The following KLF12 variants were observed in gnomAD, a reference collection of about 807,000 sequenced individuals.
KLF12 encodes KLF transcription factor 12.
Under a neutral mutation model 37.8 loss-of-function variants are expected in KLF12, and 9 were observed. The observed-to-expected ratio is 0.24, with a 90% confidence interval of 0.14 to 0.42. The LOEUF is 0.42. Among genes scored for constraint, KLF12 ranks in the 10% least tolerant of loss-of-function variants. The pLI is 1.00. For synonymous variants in KLF12, 208 were observed against 202.1 expected (o/e 1.03, Z -0.25); for missense variants, 411 against 516.0 (o/e 0.80, Z 1.97).
intron 1 of KLF12, among the ~76,000 whole-genome samples, chr13:74,005,274 A>C (rs868862506): frequency 6.6e-6 from 1 of 152,180 alleles, no homozygotes; most frequent in East Asian, 1.9e-4. Context: ...GCTGTCAAAT[A>C]GTTAACTTCC....
intron 1 of KLF12, among the ~76,000 whole-genome samples, chr13:74,003,185 G>A (rs1892324691): frequency 6.6e-6 from 1 of 152,212 alleles, no homozygotes; most frequent in African/African-American, 2.4e-5. Flanking sequence ...AAAGAACGGA[G>A]TATAGTGGGA....
At chr13:74,188,084 A>T in the KLF12 span, among the ~76,000 whole-genome samples, 1 of 152,194 alleles carries the variant, frequency 6.6e-6, no homozygotes, top group Non-Finnish European at 1.5e-5. Flanking sequence ...CCTTTGAGGT[A>T]TTATAAGGCC....
intron 2 of KLF12, among the ~76,000 whole-genome samples, chr13:73,991,822 T>C (rs1008435818): frequency 9.9e-5 from 15 of 152,220 alleles, no homozygotes; most frequent in Non-Finnish European, 1.5e-5. Flanking sequence ...AAAAGCTGGA[T>C]TGCTGCTATT....
At chr13:74,291,529 G>C in the KLF12 span, among the ~76,000 whole-genome samples, 37 of 152,172 alleles carry the variant, frequency 2.4e-4, no homozygotes, top group Non-Finnish European at 4.8e-4. Flanking sequence ...GTCAGTTGGC[G>C]AAGCAGAACA....
intron 5 of KLF12, among the ~76,000 whole-genome samples, chr13:73,782,707 A>T (rs1306523581): frequency 6.6e-6 from 1 of 152,212 alleles, no homozygotes; most frequent in Non-Finnish European, 1.5e-5. Context: ...CTGATTAGGA[A>T]GTATGACCCA....
At chr13:73,755,294 C>T (rs1042947670) in intron 6 of KLF12, among the ~76,000 whole-genome samples, 1 of 152,056 alleles carries the variant, frequency 6.6e-6, no homozygotes, top group Non-Finnish European at 1.5e-5. Context: ...TCAATTTAAT[C>T]CTATGATATA....
intron 5 of KLF12, among the ~76,000 whole-genome samples, chr13:73,810,098 A>G: frequency 6.6e-6 from 1 of 152,166 alleles, no homozygotes; most frequent in East Asian, 1.9e-4. Flanking sequence ...TACAAAAATT[A>G]GCTGGGCATG....
At chr13:74,119,983 C>CA (rs998936999) in intron 1 of KLF12, among the ~76,000 whole-genome samples, 269 of 136,336 alleles carry the variant, frequency 2.0e-3, no homozygotes, top group African/African-American at 4.9e-3. Context: ...TACATATAGA[C>CA]AAAAAAAAAA....
the KLF12 span, among the ~76,000 whole-genome samples, chr13:74,165,780 C>T: frequency 6.6e-6 from 1 of 152,212 alleles, no homozygotes; most frequent in Non-Finnish European, 1.5e-5. Flanking sequence ...TCACATGCCA[C>T]CTCTGGACCA....
At chr13:73,817,168 A>G (rs1402954820) in intron 4 of KLF12, among the ~76,000 whole-genome samples, 1 of 151,994 alleles carries the variant, frequency 6.6e-6, no homozygotes, top group South Asian at 2.1e-4. Flanking sequence ...AATTTAAAAC[A>G]TCAGCAGAGT....
At chr13:74,289,080 A>G in the KLF12 span, 1 of 152,220 alleles carries the variant, frequency 6.6e-6, no homozygotes, top group Non-Finnish European at 1.5e-5. Context: ...AGGAATTTTT[A>G]TATATTTTTT....
intron 2 of KLF12, among the ~76,000 whole-genome samples, chr13:73,974,376 G>A (rs7989209): frequency 0.99 from 149,920 of 152,058 alleles, 73,942 homozygotes; most frequent in East Asian, 1. Flanking sequence ...GGGGAACAAA[G>A]AAGTCAAACT....
chr13:74,171,302 G>A, the KLF12 span, among the ~76,000 whole-genome samples: 1 of 152,154 alleles, frequency 6.6e-6, no homozygotes, highest in South Asian at 2.1e-4. Context: ...ATCTTCTTGA[G>A]GGTCCTTAAG....
intron 6 of KLF12, among the ~76,000 whole-genome samples, chr13:73,739,473 T>A (rs917632489): frequency 1.4e-4 from 22 of 152,188 alleles, no homozygotes; most frequent in African/African-American, 5.3e-4. Flanking sequence ...ATTCAGTTTT[T>A]AAAAAATGTA....
intron 1 of KLF12, among the ~76,000 whole-genome samples, chr13:74,075,934 GATTA>G (rs1457422318): frequency 1.3e-5 from 2 of 152,168 alleles, no homozygotes; most frequent in Non-Finnish European, 2.9e-5. Context: ...TTAACTTGAA[GATTA>G]ATTATTTTGT....
At chr13:74,037,373 G>A (rs918188607) in intron 1 of KLF12, among the ~76,000 whole-genome samples, 5 of 151,990 alleles carry the variant, frequency 3.3e-5, no homozygotes, top group East Asian at 3.9e-4. Flanking sequence ...CGGAAGGGAC[G>A]GATTCCCTTA....
the KLF12 span, among the ~76,000 whole-genome samples, chr13:74,176,817 C>T: frequency 6.6e-6 from 1 of 152,152 alleles, no homozygotes; most frequent in Non-Finnish European, 1.5e-5. Context: ...TCCCAACTGC[C>T]CCAGAAAACC....
At chr13:74,261,367 A>AT in the KLF12 span, among the ~76,000 whole-genome samples, 2 of 152,164 alleles carry the variant, frequency 1.3e-5, no homozygotes, top group African/African-American at 2.4e-5. Flanking sequence ...TATACGCAGA[A>AT]TTTTTTCTAA....
chr13:74,211,808 C>G, the KLF12 span, among the ~76,000 whole-genome samples: 1 of 151,988 alleles, frequency 6.6e-6, no homozygotes, highest in Admixed American at 6.6e-5. Context: ...CAGTTTGGTC[C>G]AGAAGTTGGT....
Sources: gnomAD v4.1 joint callset for allele counts (sites outside exome capture counted in the v4.1 genomes callset) on GRCh38, gnomAD v4.1.1 for gene constraint, MANE v1.5 for transcripts, NCBI Gene and HGNC (gene_info 2026-07-23, HGNC 2026-07-21) for gene names.